The following HCN1 variants were observed in gnomAD, a reference collection of about 807,000 sequenced individuals.
HCN1 encodes potassium/sodium hyperpolarization-activated cyclic nucleotide-gated channel 1.
HCN1 carries 13 observed loss-of-function variants against 78.9 expected under a neutral mutation model. The observed-to-expected ratio is 0.16, with a 90% CI of 0.11 to 0.26. The LOEUF is 0.26. HCN1 is among the 10% of genes least tolerant of loss of function. The pLI, the probability that HCN1 is intolerant of heterozygous loss-of-function variation, is 1.00. For missense variants in HCN1, 810 were observed against 1,154.3 expected (o/e 0.70, Z 4.32); for synonymous variants, 552 against 455.5 (o/e 1.21, Z -2.70).
chr5:45,488,710 T>TA (rs1380137617), intron 2 of HCN1, among the ~76,000 whole-genome samples: 1 of 152,134 alleles, frequency 6.6e-6, no homozygotes, highest in Admixed American at 6.6e-5. Context: ...TGTAGTAAGT[T>TA]AGAGAATATT....
intron 3 of HCN1, among the ~76,000 whole-genome samples, chr5:45,439,855 C>T (rs181099248): frequency 1.7e-4 from 26 of 150,834 alleles, no homozygotes; most frequent in African/African-American, 3.6e-4. Flanking sequence ...CAGGAAGGTA[C>T]GAAGAAACAT....
At chr5:45,276,754 A>G (rs1360493413) in intron 6 of HCN1, among the ~76,000 whole-genome samples, 1 of 152,078 alleles carries the variant, frequency 6.6e-6, no homozygotes, top group Non-Finnish European at 1.5e-5. Context: ...ACTTTATGTA[A>G]ATTCAAATAA....
At chr5:45,514,959 T>C (rs1237212776) in intron 2 of HCN1, among the ~76,000 whole-genome samples, 1 of 152,022 alleles carries the variant, frequency 6.6e-6, no homozygotes, top group Non-Finnish European at 1.5e-5. Flanking sequence ...CTGCTTTAAT[T>C]TGAGTGTTTT....
chr5:45,360,989 ACTT>A (rs1747096235), intron 4 of HCN1, among the ~76,000 whole-genome samples: 3 of 152,116 alleles, frequency 2.0e-5, no homozygotes, highest in African/African-American at 7.2e-5. Flanking sequence ...ATATGTATCT[ACTT>A]TGCATGGAAA....
At chr5:45,452,258 T>G (rs1341842297) in intron 3 of HCN1, among the ~76,000 whole-genome samples, 1 of 151,900 alleles carries the variant, frequency 6.6e-6, no homozygotes, top group African/African-American at 2.4e-5. Flanking sequence ...TGATTAACTC[T>G]TATTTGGATT....
intron 3 of HCN1, among the ~76,000 whole-genome samples, chr5:45,400,010 G>A (rs1207789440): frequency 6.6e-6 from 1 of 151,954 alleles, no homozygotes; most frequent in Non-Finnish European, 1.5e-5. Flanking sequence ...ATACATCTAA[G>A]ATTTCCAAAA....
At chr5:45,305,068 T>C (rs902614813) in intron 5 of HCN1, among the ~76,000 whole-genome samples, 1 of 152,144 alleles carries the variant, frequency 6.6e-6, no homozygotes, top group African/African-American at 2.4e-5. Context: ...GGGACTGCAT[T>C]TGTGATTTTG....
intron 6 of HCN1, among the ~76,000 whole-genome samples, chr5:45,295,438 T>A (rs547590392): frequency 1.4e-4 from 21 of 151,998 alleles, no homozygotes; most frequent in Non-Finnish European, 2.6e-4. Context: ...CATTTCCTCA[T>A]ACTCTTTCTG....
At chr5:45,555,068 A>C (rs1743444321) in intron 2 of HCN1, among the ~76,000 whole-genome samples, 1 of 151,962 alleles carries the variant, frequency 6.6e-6, no homozygotes, top group African/African-American at 2.4e-5. Flanking sequence ...CAAGAAATAA[A>C]TAAGGGGCAT....
At chr5:45,603,193 T>C (rs1483699754) in intron 2 of HCN1, among the ~76,000 whole-genome samples, 3 of 152,070 alleles carry the variant, frequency 2.0e-5, no homozygotes, top group Admixed American at 1.3e-4. Context: ...TGATGCAGTC[T>C]GAATCCATTT....
intron 2 of HCN1, among the ~76,000 whole-genome samples, chr5:45,616,721 A>C (rs185988542): frequency 7.2e-4 from 110 of 152,162 alleles, no homozygotes; most frequent in Middle Eastern, 3.4e-3. Context: ...TCTTCCATTA[A>C]ATAAAAAACA....
chr5:45,696,061 A>G lies in HCN1; in HGVS notation c.33T>C (p.Ser11=), dbSNP rs1243611752. 3.0e-6 allele frequency: 4 copies of G among 1,354,314 alleles called. No individual in the cohort carries two copies. Among genetic ancestry groups the G allele is most frequent in the Non-Finnish European group, 3.8e-6 (4 of 1,043,014 alleles). The allele number at this position is 1,354,314 out of a possible 1,614,324, so 83.9% of individuals were successfully genotyped here. The part of the protein sequence containing the change: MEGGGKPNSS[S]NSRDDGNSVF... ...CGCTGTTGCCATCGTCCCGGCTGTT[A>G]GACGAAGAGTTGGGCTTGCCGCCTC... Residue 11 remains serine (S), a synonymous_variant, in exon 1 of 8, where the codon TCT becomes TCC. Coordinates refer to ENST00000303230, the MANE Select transcript of HCN1 (RefSeq NM_021072.4).
chr5:45,561,789 A>C (rs1743608583), intron 2 of HCN1, among the ~76,000 whole-genome samples: 1 of 152,080 alleles, frequency 6.6e-6, no homozygotes, highest in African/African-American at 2.4e-5. Flanking sequence ...GATTGAGTTC[A>C]ATCACATGTC....
chr5:45,550,550 A>G (rs530116790), intron 2 of HCN1, among the ~76,000 whole-genome samples: 2 of 151,900 alleles, frequency 1.3e-5, no homozygotes, highest in East Asian at 3.9e-4. Flanking sequence ...AATGTAAATG[A>G]CGAGTTAATG....
intron 1 of HCN1, among the ~76,000 whole-genome samples, chr5:45,665,495 A>C (rs1336840289): frequency 2.6e-5 from 4 of 152,020 alleles, no homozygotes; most frequent in African/African-American, 9.7e-5. Context: ...TGGGTAATTT[A>C]AGTGACAGGC....
At chr5:45,640,578 T>C (rs1316425721) in intron 2 of HCN1, among the ~76,000 whole-genome samples, 1 of 135,642 alleles carries the variant, frequency 7.4e-6, no homozygotes, top group East Asian at 2.1e-4. Context: ...AGTCTGATTC[T>C]TTTTTTTTTT....
chr5:45,528,119 G>C (rs1742776895), intron 2 of HCN1, among the ~76,000 whole-genome samples: 2 of 151,884 alleles, frequency 1.3e-5, no homozygotes, highest in African/African-American at 4.8e-5. Flanking sequence ...TATTCTCAGA[G>C]TATTCTCAAA....
chr5:45,362,590 A>G (rs1347331300), intron 4 of HCN1, among the ~76,000 whole-genome samples: 1 of 152,088 alleles, frequency 6.6e-6, no homozygotes, highest in African/African-American at 2.4e-5. Flanking sequence ...TGGATATTAA[A>G]TGCTGTTTTC....
At chr5:45,356,769 A>T (rs1489013054) in intron 4 of HCN1, among the ~76,000 whole-genome samples, 1 of 152,044 alleles carries the variant, frequency 6.6e-6, no homozygotes, top group Non-Finnish European at 1.5e-5. Flanking sequence ...GTTCACTTTC[A>T]TTTGATGACT....
Sources: gnomAD v4.1 joint callset for allele counts (sites outside exome capture counted in the v4.1 genomes callset) on GRCh38, gnomAD v4.1.1 for gene constraint, MANE v1.5 for transcripts, NCBI Gene and HGNC (gene_info 2026-07-23, HGNC 2026-07-21) for gene names.